The following SIPA1L3 variants were observed in gnomAD, a reference collection of about 807,000 sequenced individuals.
SIPA1L3 encodes the protein signal-induced proliferation-associated 1-like protein 3.
SIPA1L3 carries 59 observed loss-of-function variants against 150.1 expected under a neutral mutation model. The ratio of observed to expected loss-of-function variants is 0.39; its 90% CI spans 0.32 to 0.49. The LOEUF is 0.49. SIPA1L3 is among the 20% of genes least tolerant of loss of function. The pLI is 0.86. For synonymous variants in SIPA1L3, 1,070 were observed against 1,077.6 expected (o/e 0.99, Z 0.14); for missense variants, 2,211 against 2,489.5 (o/e 0.89, Z 2.38).
chr19:38,033,680 T>C (rs998870516), intron 2 of SIPA1L3, among the ~76,000 whole-genome samples: 6 of 133,466 alleles, frequency 4.5e-5, no homozygotes, highest in Non-Finnish European at 7.4e-5. Context: ...CGTATGTGTG[T>C]GTGTGTGTGT....
At chr19:38,170,149 A>T (rs1972294508) in intron 15 of SIPA1L3, among the ~76,000 whole-genome samples, 2 of 152,134 alleles carry the variant, frequency 1.3e-5, no homozygotes, top group African/African-American at 4.8e-5. Context: ...TTTCCTGGAG[A>T]AAGAGTCTGA....
At chr19:38,192,978 T>C (rs1972837089) in intron 17 of SIPA1L3, among the ~76,000 whole-genome samples, 1 of 152,050 alleles carries the variant, frequency 6.6e-6, no homozygotes, top group African/African-American at 2.4e-5. Flanking sequence ...ATCGCCAGCC[T>C]TACCCGGAGC....
chr19:38,081,900 A>G lies in SIPA1L3; in HGVS notation c.335A>G (p.Lys112Arg). ...SQDTDGTKATKMAHSMRSIQN... is the reference protein window; with the variant it reads ...SQDTDGTKATRMAHSMRSIQN... ...GACACAGATGGCACAAAGGCCACCA[A>G]GATGGCCCATTCCATGAGGAGCATA... The change falls in exon 3 of 22, where the codon AAG (lysine) becomes AGG (arginine). Residue 112 changes from lysine (K) to arginine (R), a missense_variant. Around this residue, in one of 5 missense-constraint regions of SIPA1L3, gnomAD observed 130 missense variants for 174.5 expected, o/e 0.74. Transcript: ENST00000222345. 6.2e-7 allele frequency: 1 copy of G among 1,614,188 alleles called. No individual in the cohort carries two copies. The highest frequency in any genetic ancestry group is 8.5e-7 in the Non-Finnish European group (1 of 1,180,002).
At chr19:38,173,064 T>C (rs1290220135) in intron 15 of SIPA1L3, among the ~76,000 whole-genome samples, 1 of 152,162 alleles carries the variant, frequency 6.6e-6, no homozygotes, top group Admixed American at 6.5e-5. Context: ...ATCACATCAC[T>C]GCACTCAGCC....
At chr19:38,077,882 G>T (rs1214293952) in intron 2 of SIPA1L3, among the ~76,000 whole-genome samples, 1 of 151,728 alleles carries the variant, frequency 6.6e-6, no homozygotes, top group Non-Finnish European at 1.5e-5. Flanking sequence ...TGTTAGCCAG[G>T]CTGGTCTCGA....
In SIPA1L3 at chr19:38,142,771, C is replaced by T. The variant is rs1331470299; in HGVS notation, c.3533+61C>T. ...CTGATGAAAGCTGTGCCTCCTTCTT[C>T]CCCAGCAAATGCACACCCCCACAAT... is the stretch of plus-strand genomic sequence containing the variant. On this transcript the variant is annotated intron_variant, in intron 12 of 21. Coordinates refer to ENST00000222345, the MANE Select transcript of SIPA1L3 (RefSeq NM_015073.3). The T allele has an allele frequency of 1.9e-6, 3 of 1,549,338 alleles. No homozygotes were observed. The East Asian group carries it at 6.8e-5, about 35-fold the overall frequency.
At chr19:38,144,460 G>A (rs1277725414) in intron 12 of SIPA1L3, among the ~76,000 whole-genome samples, 1 of 152,232 alleles carries the variant, frequency 6.6e-6, no homozygotes, top group East Asian at 1.9e-4. Flanking sequence ...TCTTTAGCAG[G>A]CATTGGAATC....
At chr19:38,192,685 T>C (rs1029168295) in intron 17 of SIPA1L3, among the ~76,000 whole-genome samples, 4 of 152,116 alleles carry the variant, frequency 2.6e-5, no homozygotes, top group African/African-American at 9.7e-5. Flanking sequence ...CAGACTCTTG[T>C]TACTCAGGGA....
intron 17 of SIPA1L3, among the ~76,000 whole-genome samples, chr19:38,192,783 C>T (rs1972833238): frequency 6.6e-6 from 1 of 152,188 alleles, no homozygotes; most frequent in African/African-American, 2.4e-5. Context: ...TACTCGTCCT[C>T]ACTGCCAGGC....
At chr19:38,055,178 C>T (rs1008202713) in intron 2 of SIPA1L3, among the ~76,000 whole-genome samples, 19 of 152,134 alleles carry the variant, frequency 1.2e-4, no homozygotes, top group Non-Finnish European at 2.4e-4. Flanking sequence ...AGATTGCAAT[C>T]GGCTACATGT....
chr19:38,118,127 T>C (rs1970931925), intron 8 of SIPA1L3, among the ~76,000 whole-genome samples: 1 of 152,244 alleles, frequency 6.6e-6, no homozygotes, highest in Admixed American at 6.5e-5. Flanking sequence ...TTACAAGGTA[T>C]ACTTGTGTAA....
chr19:38,073,819 G>C (rs538102631), intron 2 of SIPA1L3, among the ~76,000 whole-genome samples: 1 of 152,142 alleles, frequency 6.6e-6, no homozygotes, highest in Admixed American at 6.5e-5. Context: ...TAGAAACCTC[G>C]CACGGAGTCC....
chr19:37,919,853 GGCAT>G (rs1183709137), intron 1 of SIPA1L3, among the ~76,000 whole-genome samples: 1 of 151,732 alleles, frequency 6.6e-6, no homozygotes, highest in Non-Finnish European at 1.5e-5. Context: ...TGGGATTATA[GGCAT>G]GCGCCACCAT....
chr19:37,983,399 C>T (rs949065876), intron 1 of SIPA1L3, among the ~76,000 whole-genome samples: 18 of 152,140 alleles, frequency 1.2e-4, no homozygotes, highest in African/African-American at 2.9e-4. Context: ...ACCTGCCCCA[C>T]GGAGCAGTTG....
chr19:37,931,785 G>A (rs1273476182), intron 1 of SIPA1L3, among the ~76,000 whole-genome samples: 1 of 152,010 alleles, frequency 6.6e-6, no homozygotes, highest in Non-Finnish European at 1.5e-5. Flanking sequence ...ATAAAGTAGT[G>A]GGTAAAAACT....
intron 1 of SIPA1L3, among the ~76,000 whole-genome samples, chr19:37,950,893 G>T (rs1335749776): frequency 6.6e-6 from 1 of 152,246 alleles, no homozygotes; most frequent in Admixed American, 6.5e-5. Context: ...CTGTGGGTTG[G>T]CATCACCTGG....
intron 1 of SIPA1L3, among the ~76,000 whole-genome samples, chr19:37,971,361 C>T (rs1172677197): frequency 6.6e-6 from 1 of 152,072 alleles, no homozygotes; most frequent in Non-Finnish European, 1.5e-5. Context: ...ATTTGCAGAA[C>T]ATGATCACCA....
intron 8 of SIPA1L3, 55 bp from the exon 9 acceptor site, chr19:38,119,251 C>G: frequency 6.8e-7 from 1 of 1,465,722 alleles, no homozygotes; most frequent in Admixed American, 2.0e-5. Context: ...TATTTTCTCT[C>G]TGAAGTGTCT....
rs148993639 is a variant in SIPA1L3, at chr19:37,961,801, G to A, written c.-379+54443G>A. Among the ~76,000 whole-genome samples the A allele has an allele frequency of 1.8e-4, 27 of 151,746 alleles. No homozygotes were observed. The East Asian group carries it at 2.7e-3, about 15-fold the overall frequency. On this transcript the variant is annotated intron_variant, in intron 1 of 21. Coordinates refer to ENST00000222345, the MANE Select transcript of SIPA1L3 (RefSeq NM_015073.3). ...CATGTCTCTGAAGGCCTGTTTATTCGTATTCAATCTTTCTTACAGATTATT... is the reference window on the plus strand; with the variant it reads ...CATGTCTCTGAAGGCCTGTTTATTCATATTCAATCTTTCTTACAGATTATT...
Sources: gnomAD v4.1 joint callset for allele counts (sites outside exome capture counted in the v4.1 genomes callset) on GRCh38, gnomAD v4.1.1 for gene constraint, gnomAD v4.1.1 regional missense constraint, MANE v1.5 for transcripts, NCBI Gene and HGNC (gene_info 2026-07-23, HGNC 2026-07-21) for gene names.